ZBBX: variants seen among roughly 807,000 people sequenced by gnomAD.
ZBBX encodes the protein zinc finger B-box domain containing.
A neutral mutation model predicts 108.5 loss-of-function variants in ZBBX; 101 were observed. That is an observed-to-expected ratio of 0.93 (90% CI 0.79 to 1.10). The LOEUF (loss-of-function observed/expected upper bound fraction) is 1.10. ZBBX is among the 50% of genes least tolerant of loss of function. The pLI, the probability that ZBBX is intolerant of heterozygous loss-of-function variation, is 0.00. For missense variants in ZBBX, 1,009 were observed against 941.4 expected (o/e 1.07, Z -0.94); for synonymous variants, 356 against 323.4 (o/e 1.10, Z -1.08).
intron 1 of ZBBX, among the ~76,000 whole-genome samples, chr3:167,405,840 G>A (rs1446084630): frequency 6.6e-6 from 1 of 152,162 alleles, no homozygotes; most frequent in Non-Finnish European, 1.5e-5. Flanking sequence ...GTGAGGCTGA[G>A]GGGTGGATCA....
At position 167,240,280 on chromosome 3, in the gene ZBBX, A is replaced by G. The variant is rs531446440; in HGVS notation, c.*513T>C. On this transcript the variant is annotated 3_prime_UTR_variant, in exon 22 of 22. Transcript: ENST00000675490. ...GCTAGAGCAGAGTATGAAAAGTTTCACACCCATTTTATTTTTGGTCCTCTT... is the reference window on the plus strand; with the variant it reads ...GCTAGAGCAGAGTATGAAAAGTTTCGCACCCATTTTATTTTTGGTCCTCTT... 3 of 152,858 alleles carry G rather than the reference A, an allele frequency of 2.0e-5. No individual in the cohort carries two copies. Among genetic ancestry groups the G allele is most frequent in the African/African-American group, 7.2e-5 (3 of 41,448 alleles). 9.5% of individuals were successfully genotyped at this position (152,858 alleles called of 1,614,324 possible). A position where few individuals can be genotyped will look rare whatever the true frequency, so the allele number is the denominator to read the frequency against.
Position 167,298,376 on chromosome 3 carries a change from T to C in ZBBX, c.1808A>G (p.Asn603Ser), listed in dbSNP as rs1424549172. The change falls in exon 18 of 22, where the codon AAT (asparagine) becomes AGT (serine). Residue 603 changes from asparagine to serine, a missense_variant. Asn to Ser is a conservative substitution (Grantham distance 46, BLOSUM62 1). Transcript: ENST00000675490. ...GLERFFIFDT[N>S]ERLNLLPSHR... The stretch of plus-strand genomic sequence containing the variant: ...AGAAGGAAGTAAGTTGAGTCTTTCA[T>C]TTGTATCAAAAATAAAGAATCTCTC... 1 of 1,600,980 alleles carries C rather than the reference T, an allele frequency of 6.2e-7. No homozygotes were observed. Among genetic ancestry groups the C allele is most frequent in the South Asian group, 1.1e-5 (1 of 88,612 alleles).
chr3:167,377,477 T>C (rs1374120255), intron 2 of ZBBX, among the ~76,000 whole-genome samples: 1 of 152,182 alleles, frequency 6.6e-6, no homozygotes, highest in Non-Finnish European at 1.5e-5. Context: ...TTTCCCTTAC[T>C]GTAGCAATAT....
chr3:167,206,523 AT>A, the ZBBX span, among the ~76,000 whole-genome samples: 4,743 of 152,076 alleles, frequency 0.031, 87 homozygotes, highest in East Asian at 0.066. Flanking sequence ...AATAAAAAAA[AT>A]GTCATAATTT....
downstream of ZBBX, among the ~76,000 whole-genome samples, chr3:167,235,749 A>G (rs1168611198): frequency 6.6e-6 from 1 of 151,634 alleles, no homozygotes; most frequent in East Asian, 1.9e-4. Context: ...ACTATAGTAG[A>G]CATTTGCATT....
intron 4 of ZBBX, among the ~76,000 whole-genome samples, chr3:167,368,983 C>A (rs1414823274): frequency 6.6e-6 from 1 of 152,098 alleles, no homozygotes; most frequent in African/African-American, 2.4e-5. Flanking sequence ...ACGAAATATA[C>A]ATTTTTGCTG....
intron 20 of ZBBX, among the ~76,000 whole-genome samples, chr3:167,277,067 C>A (rs1727729727): frequency 6.6e-6 from 1 of 151,762 alleles, no homozygotes; most frequent in East Asian, 1.9e-4. Context: ...CACCACCAGG[C>A]CTGCCCTAAA....
intron 10 of ZBBX, among the ~76,000 whole-genome samples, chr3:167,330,883 A>G (rs1425831572): frequency 7.5e-6 from 1 of 133,390 alleles, no homozygotes; most frequent in Non-Finnish European, 1.6e-5. Flanking sequence ...GAAGAAGAAG[A>G]AGAAGAAGAA....
chr3:167,350,444 C>T lies in ZBBX; in HGVS notation c.504G>A (p.Lys168=), dbSNP rs1171524320. The change falls in exon 9 of 22, where the codon AAG becomes AAA. Residue 168 remains lysine (K), a synonymous_variant. Transcript: ENST00000675490. ...FAKVHQKGAL[K]LHRTTLLQAK... ...CCTGCAAAAGAGTTGTTCTGTGGAG[C>T]TTTAGTGCCCCTTTCTGGTGAACTT... 1 of 1,595,774 alleles carries T rather than the reference C, an allele frequency of 6.3e-7. No homozygotes were observed. Among genetic ancestry groups the T allele is most frequent in the Non-Finnish European group, 8.6e-7 (1 of 1,168,526 alleles).
chr3:167,355,126 G>A (rs1743321407), intron 8 of ZBBX, among the ~76,000 whole-genome samples: 1 of 151,916 alleles, frequency 6.6e-6, no homozygotes, highest in South Asian at 2.1e-4. Context: ...CTAAGCTTCA[G>A]AATCCATTTG....
the ZBBX span, among the ~76,000 whole-genome samples, chr3:167,189,502 C>G: frequency 6.6e-6 from 1 of 152,172 alleles, no homozygotes; most frequent in Non-Finnish European, 1.5e-5. Context: ...CACAAACACA[C>G]ACATACACAC....
At chr3:167,318,582 G>A (rs546047008) in intron 12 of ZBBX, among the ~76,000 whole-genome samples, 1 of 151,950 alleles carries the variant, frequency 6.6e-6, no homozygotes, top group Admixed American at 6.6e-5. Flanking sequence ...ACTTTCAAAG[G>A]CATTAAAATT....
intron 4 of ZBBX, among the ~76,000 whole-genome samples, chr3:167,371,452 C>G (rs1368182485): frequency 6.6e-6 from 1 of 152,164 alleles, no homozygotes; most frequent in Admixed American, 6.5e-5. Context: ...TAGTCCCTTG[C>G]CTTTACACAT....
chr3:167,197,081 T>A, the ZBBX span, among the ~76,000 whole-genome samples: 3 of 152,206 alleles, frequency 2.0e-5, no homozygotes, highest in Admixed American at 6.5e-5. Context: ...ATGATTGCAA[T>A]GCACTATTTC....
intron 20 of ZBBX, among the ~76,000 whole-genome samples, chr3:167,268,122 T>A (rs1725886224): frequency 6.6e-6 from 1 of 152,092 alleles, no homozygotes; most frequent in South Asian, 2.1e-4. Context: ...CTGACTCTCT[T>A]CCGCTTGAGA....
intron 16 of ZBBX, among the ~76,000 whole-genome samples, chr3:167,312,929 C>CA (rs1734835383): frequency 6.6e-6 from 1 of 152,118 alleles, no homozygotes. Flanking sequence ...CGATATCTCT[C>CA]AAAAATCTAA....
At chr3:167,338,692 G>A (rs1430311886) in intron 9 of ZBBX, among the ~76,000 whole-genome samples, 1 of 152,022 alleles carries the variant, frequency 6.6e-6, no homozygotes, top group East Asian at 1.9e-4. Flanking sequence ...CCACAGCCTT[G>A]AATTAAAAAC....
At chr3:167,224,565 A>G in the ZBBX span, among the ~76,000 whole-genome samples, 2 of 151,954 alleles carry the variant, frequency 1.3e-5, no homozygotes, top group East Asian at 3.9e-4. Context: ...TATGGTAGAT[A>G]ATAAATATGT....
chr3:167,294,652 A>G (rs911478999), intron 18 of ZBBX, among the ~76,000 whole-genome samples: 1 of 152,232 alleles, frequency 6.6e-6, no homozygotes, highest in South Asian at 2.1e-4. Context: ...CTTCATGACT[A>G]AAACACGAAA....
Sources: allele counts gnomAD v4.1 joint callset (sites outside exome capture counted in the v4.1 genomes callset), GRCh38; gene constraint gnomAD v4.1.1; transcripts MANE v1.5; gene names NCBI Gene and HGNC (gene_info 2026-07-23, HGNC 2026-07-21).